The following PAPPA2 variants were observed in gnomAD, a reference collection of about 807,000 sequenced individuals.
PAPPA2 encodes pappalysin-2.
A neutral mutation model predicts 176.4 loss-of-function variants in PAPPA2; 86 were observed. The observed-to-expected ratio is 0.49, with a 90% CI of 0.41 to 0.58. The LOEUF is 0.58. Ranked by LOEUF, PAPPA2 falls within the 20% of genes least tolerant of loss-of-function variation. The pLI is 0.00. For synonymous variants in PAPPA2, 809 were observed against 852.2 expected, an observed-to-expected ratio of 0.95 and a Z score of 0.88; for missense variants, 2,073 against 2,256.9, an observed-to-expected ratio of 0.92 and a Z score of 1.65.
intron 1 of PAPPA2, among the ~76,000 whole-genome samples, chr1:176,468,467 G>T (rs1042322039): frequency 2.0e-5 from 3 of 152,108 alleles, no homozygotes; most frequent in African/African-American, 7.2e-5. Flanking sequence ...CCAGGTATAT[G>T]GTCCCATCTC....
chr1:176,587,168 C>T (rs566048273), intron 2 of PAPPA2, among the ~76,000 whole-genome samples: 2 of 151,650 alleles, frequency 1.3e-5, no homozygotes, highest in South Asian at 2.1e-4. Context: ...TGCTTAAGCT[C>T]CTCATAAATT....
chr1:176,584,459 C>T lies in PAPPA2; in HGVS notation c.920-10065C>T, dbSNP rs75548547. Among the ~76,000 whole-genome samples, 1,303 of 151,204 alleles carry T rather than the reference C, an allele frequency of 8.6e-3. 23 individuals carry two copies. The highest frequency in any genetic ancestry group is 0.03 in the African/African-American group (1,217 of 41,192). On this transcript the variant is annotated intron_variant, in intron 2 of 22. Coordinates refer to ENST00000367662, the MANE Select transcript of PAPPA2 (RefSeq NM_020318.3). ...TTTATTGTATGTAAGTATAGCTTCT[C>T]CTGTTCATTTTTGATTTCCATTTGC...
chr1:176,561,383 A>G (rs769336926), intron 2 of PAPPA2, among the ~76,000 whole-genome samples: 3 of 152,170 alleles, frequency 2.0e-5, no homozygotes, highest in African/African-American at 4.8e-5. Flanking sequence ...GTGGGAGGCA[A>G]TCATTACTGG....
At chr1:176,669,808 G>A (rs1658882009) in intron 3 of PAPPA2, among the ~76,000 whole-genome samples, 1 of 152,088 alleles carries the variant, frequency 6.6e-6, no homozygotes, top group South Asian at 2.1e-4. Flanking sequence ...GGATGAAATA[G>A]ATGGCATCAA....
chr1:176,463,927 G>A (rs1353839224), intron 1 of PAPPA2, among the ~76,000 whole-genome samples: 1 of 152,170 alleles, frequency 6.6e-6, no homozygotes, highest in East Asian at 1.9e-4. Flanking sequence ...GGATGGGTAA[G>A]GAGAGTTCTA....
In PAPPA2 at chr1:176,740,114, C is replaced by CT; in HGVS notation, c.4070dup (p.Arg1358LysfsTer13). 1 of 1,613,910 alleles carries CT rather than the reference C, an allele frequency of 6.2e-7. No homozygotes were observed. The highest frequency in any genetic ancestry group is 8.5e-7 in the Non-Finnish European group (1 of 1,179,868). On this transcript the variant is annotated frameshift_variant, in exon 14 of 23. Coordinates refer to ENST00000367662, the MANE Select transcript of PAPPA2 (RefSeq NM_020318.3). LOFTEE classifies it high-confidence loss of function. ...ACGGGTCGGCATCTCAGCTGTGGCTCTAAGGACATCCTCCCGCATTGGTCT... is the reference window on the plus strand; with the variant it reads ...ACGGGTCGGCATCTCAGCTGTGGCTCTTAAGGACATCCTCCCGCATTGGTCT...
intron 21 of PAPPA2, among the ~76,000 whole-genome samples, chr1:176,818,967 A>C: frequency 6.6e-6 from 1 of 152,082 alleles, no homozygotes; most frequent in East Asian, 1.9e-4. Flanking sequence ...TCACTTTCTA[A>C]TTTGCTGTAG....
At chr1:176,804,379 C>A (rs937755906) in intron 21 of PAPPA2, among the ~76,000 whole-genome samples, 1 of 151,986 alleles carries the variant, frequency 6.6e-6, no homozygotes, top group African/African-American at 2.4e-5. Flanking sequence ...CACGACTGGG[C>A]GAATGGGAGG....
chr1:176,559,150 C>T (rs936375560), intron 2 of PAPPA2, among the ~76,000 whole-genome samples: 1 of 152,234 alleles, frequency 6.6e-6, no homozygotes, highest in African/African-American at 2.4e-5. Flanking sequence ...AGCACACACT[C>T]AGATCCTTCT....
At chr1:176,477,652 G>A (rs928496251) in intron 1 of PAPPA2, among the ~76,000 whole-genome samples, 1 of 152,124 alleles carries the variant, frequency 6.6e-6, no homozygotes, top group African/African-American at 2.4e-5. Flanking sequence ...GGCTGAGGCA[G>A]GAGAATCACT....
chr1:176,712,364 G>A (rs1204891478), intron 12 of PAPPA2, among the ~76,000 whole-genome samples: 2 of 152,086 alleles, frequency 1.3e-5, no homozygotes. Context: ...CACCACTGAG[G>A]TGGATACTAT....
At chr1:176,555,248 C>T (rs1408375144) in intron 1 of PAPPA2, among the ~76,000 whole-genome samples, 159 bp from the exon 2 acceptor site, 1 of 152,036 alleles carries the variant, frequency 6.6e-6, no homozygotes, top group African/African-American at 2.4e-5. Context: ...TTGACATCAT[C>T]ATTGTCTTTA....
intron 12 of PAPPA2, among the ~76,000 whole-genome samples, chr1:176,724,744 T>C (rs1661787439): frequency 6.6e-6 from 1 of 152,236 alleles, no homozygotes; most frequent in Admixed American, 6.5e-5. Flanking sequence ...GTTTAATTGA[T>C]TGGATTTCAA....
chr1:176,801,105 G>GCACACA (rs111806822), intron 21 of PAPPA2, among the ~76,000 whole-genome samples: 2 of 148,860 alleles, frequency 1.3e-5, no homozygotes, highest in Admixed American at 6.7e-5. Context: ...ACACACACAC[G>GCACACA]CACACACACA....
intron 21 of PAPPA2, among the ~76,000 whole-genome samples, chr1:176,826,774 A>G (rs1244759120): frequency 1.3e-5 from 2 of 152,226 alleles, no homozygotes; most frequent in Non-Finnish European, 2.9e-5. Flanking sequence ...AAATTGTGGA[A>G]AAAGTCTGCA....
At chr1:176,482,215 C>T (rs1652438227) in intron 1 of PAPPA2, among the ~76,000 whole-genome samples, 1 of 152,208 alleles carries the variant, frequency 6.6e-6, no homozygotes, top group Admixed American at 6.5e-5. Context: ...ATACTGAAAT[C>T]TATTAGTCCA....
chr1:176,808,393 T>C (rs1666000955), intron 21 of PAPPA2, among the ~76,000 whole-genome samples: 1 of 152,154 alleles, frequency 6.6e-6, no homozygotes, highest in Non-Finnish European at 1.5e-5. Context: ...CAGCTCGCAT[T>C]TTGGGAGAAA....
intron 1 of PAPPA2, among the ~76,000 whole-genome samples, chr1:176,491,240 T>C (rs187931243): frequency 1.8e-4 from 27 of 152,316 alleles, no homozygotes; most frequent in African/African-American, 5.1e-4. Flanking sequence ...AACAGTCTGG[T>C]GAGGAAGAAC....
intron 21 of PAPPA2, among the ~76,000 whole-genome samples, chr1:176,802,842 A>G (rs1053405853): frequency 6.6e-6 from 1 of 152,178 alleles, no homozygotes; most frequent in South Asian, 2.1e-4. Flanking sequence ...TTTGCTTTCA[A>G]TTATCCACTA....
Sources: gnomAD v4.1 joint callset for allele counts (sites outside exome capture counted in the v4.1 genomes callset) on GRCh38, gnomAD v4.1.1 for gene constraint, MANE v1.5 for transcripts, NCBI Gene and HGNC (gene_info 2026-07-23, HGNC 2026-07-21) for gene names.